Variants in DOCK4 observed in about 807,000 individuals in gnomAD.
The protein encoded by DOCK4 is dedicator of cytokinesis 4.
In DOCK4, 97 loss-of-function variants were observed where a neutral mutation model predicts 268.1. The ratio of observed to expected loss-of-function variants is 0.36; its 90% CI spans 0.31 to 0.43. DOCK4 has a LOEUF of 0.43. Among genes scored for constraint, DOCK4 ranks in the 20% least tolerant of loss-of-function variants. The pLI is 1.00. For synonymous variants in DOCK4, 954 were observed against 887.2 expected, an observed-to-expected ratio of 1.08 and a Z score of -1.34; for missense variants, 2,145 against 2,455.7, an observed-to-expected ratio of 0.87 and a Z score of 2.67.
At chr7:112,025,952 TG>T in intron 1 of DOCK4, among the ~76,000 whole-genome samples, 1 of 152,310 alleles carries the variant, frequency 6.6e-6, no homozygotes, top group South Asian at 2.1e-4. Context: ...GGCTTCACCT[TG>T]GAACTCCCAT....
chr7:111,821,200 A>G (rs572467920), intron 27 of DOCK4: 36 of 152,316 alleles, frequency 2.4e-4, no homozygotes, highest in African/African-American at 8.4e-4. Flanking sequence ...TATAATCAAA[A>G]TCGAATCCTA....
At chr7:111,892,887 A>C (rs1055787721) in intron 16 of DOCK4, among the ~76,000 whole-genome samples, 3 of 152,230 alleles carry the variant, frequency 2.0e-5, no homozygotes, top group Non-Finnish European at 2.9e-5. Flanking sequence ...CTCTGTAAAT[A>C]AGAAATACTA....
intron 8 of DOCK4, among the ~76,000 whole-genome samples, chr7:111,948,084 A>G (rs1562926314): frequency 6.6e-6 from 1 of 152,196 alleles, no homozygotes; most frequent in Non-Finnish European, 1.5e-5. Flanking sequence ...CTTGGGACAA[A>G]GGAATTATAC....
At chr7:111,969,418 A>G (rs1227946294) in intron 8 of DOCK4, among the ~76,000 whole-genome samples, 6 of 140,218 alleles carry the variant, frequency 4.3e-5, no homozygotes, top group Middle Eastern at 3.8e-3. Flanking sequence ...TAAAAAATAA[A>G]CTCATTTTTT....
At chr7:112,114,311 T>C (rs1486866834) in intron 1 of DOCK4, among the ~76,000 whole-genome samples, 1 of 152,178 alleles carries the variant, frequency 6.6e-6, no homozygotes, top group Non-Finnish European at 1.5e-5. Flanking sequence ...GTAAAAAGTC[T>C]AAAAGTGTTG....
chr7:111,806,978 G>T (rs60144389), intron 30 of DOCK4, among the ~76,000 whole-genome samples: 2 of 152,072 alleles, frequency 1.3e-5, no homozygotes, highest in African/African-American at 4.8e-5. Flanking sequence ...AGTATACAGT[G>T]ACATGTTTAG....
chr7:111,730,934 T>C (rs1400145434), intron 52 of DOCK4, among the ~76,000 whole-genome samples: 1 of 152,248 alleles, frequency 6.6e-6, no homozygotes, highest in East Asian at 1.9e-4. Context: ...AATTAATCTC[T>C]TAAGACTTAT....
intron 36 of DOCK4, among the ~76,000 whole-genome samples, chr7:111,769,986 A>G (rs1039580585): frequency 1.3e-5 from 2 of 152,096 alleles, no homozygotes; most frequent in Admixed American, 6.5e-5. Flanking sequence ...GTGTAAGGAT[A>G]TCATGCTGTT....
chr7:111,936,901 C>T (rs1034805717), intron 11 of DOCK4, among the ~76,000 whole-genome samples: 17 of 152,076 alleles, frequency 1.1e-4, no homozygotes, highest in African/African-American at 3.4e-4. Context: ...TCTAAATGAG[C>T]GCCGAATCTT....
At chr7:112,096,580 T>C (rs890997274) in intron 1 of DOCK4, among the ~76,000 whole-genome samples, 2 of 152,344 alleles carry the variant, frequency 1.3e-5, no homozygotes, top group East Asian at 1.9e-4. Flanking sequence ...GTTTCACTTA[T>C]TTCTTTGTCA....
intron 2 of DOCK4, among the ~76,000 whole-genome samples, chr7:112,003,231 T>TA (rs1800584093): frequency 6.6e-6 from 1 of 151,218 alleles, no homozygotes; most frequent in African/African-American, 2.4e-5. Context: ...AAATAAAAAA[T>TA]AAAAAAATCA....
intron 1 of DOCK4, among the ~76,000 whole-genome samples, chr7:112,167,706 T>C (rs934339592): frequency 3.3e-5 from 5 of 152,308 alleles, no homozygotes; most frequent in Admixed American, 3.3e-4. Flanking sequence ...TAATTGCTAA[T>C]TCAAGCCAAC....
intron 1 of DOCK4, among the ~76,000 whole-genome samples, chr7:112,117,076 C>T (rs1411970524): frequency 2.0e-5 from 3 of 152,194 alleles, no homozygotes; most frequent in Non-Finnish European, 4.4e-5. Flanking sequence ...ACAAAACACA[C>T]CTGTGCACAC....
intron 17 of DOCK4, among the ~76,000 whole-genome samples, chr7:111,875,211 C>T (rs537803738): frequency 1.3e-5 from 2 of 152,286 alleles, no homozygotes; most frequent in East Asian, 3.9e-4. Flanking sequence ...GCATGGAATT[C>T]CGATCCCACT....
intron 41 of DOCK4, among the ~76,000 whole-genome samples, chr7:111,757,053 G>A (rs755323829): frequency 1.3e-5 from 2 of 151,960 alleles, no homozygotes; most frequent in South Asian, 2.1e-4. Flanking sequence ...GGGTAGCAGC[G>A]CTGGCAGGAG....
chr7:112,156,682 C>G (rs1486545023), intron 1 of DOCK4, among the ~76,000 whole-genome samples: 5 of 152,026 alleles, frequency 3.3e-5, no homozygotes, highest in Non-Finnish European at 7.4e-5. Context: ...TGATTAATGT[C>G]AAATAGATGA....
intron 8 of DOCK4, chr7:111,976,485 C>A (rs1036328007): frequency 2.7e-5 from 4 of 150,632 alleles, no homozygotes; most frequent in Admixed American, 6.6e-5. Flanking sequence ...AACTTTAAAA[C>A]AAATATTAAA....
rs1187196112 is a variant in DOCK4 at position 111,993,649 on chromosome 7, AAT to A, written c.315+484_315+485del. ...TGTGATTACTTATAGTAAGTAAATAAATATATACTACGTATCTGCAAAACACA... is the reference window on the plus strand; with the variant it reads ...TGTGATTACTTATAGTAAGTAAATAAATATACTACGTATCTGCAAAACACA... On this transcript the variant is annotated intron_variant, in intron 5 of 52. Transcript: ENST00000428084. Among the ~76,000 whole-genome samples the A allele has an allele frequency of 2.6e-5, 4 of 152,220 alleles. 1 individual carries two copies. Among genetic ancestry groups the A allele is most frequent in the African/African-American group, 9.6e-5 (4 of 41,468 alleles).
chr7:112,083,557 T>TAAATA (rs750580346), intron 1 of DOCK4, among the ~76,000 whole-genome samples: 39 of 151,898 alleles, frequency 2.6e-4, no homozygotes, highest in East Asian at 2.3e-3. Flanking sequence ...ATGATTAAGG[T>TAAATA]AAATAAAATA....
Sources: allele counts gnomAD v4.1 joint callset (sites outside exome capture counted in the v4.1 genomes callset), GRCh38; gene constraint gnomAD v4.1.1; transcripts MANE v1.5; gene names NCBI Gene and HGNC (gene_info 2026-07-23, HGNC 2026-07-21).